ZNF385D: variants seen among roughly 807,000 people sequenced by gnomAD.
ZNF385D encodes the protein zinc finger protein 659.
In ZNF385D, 15 loss-of-function variants were observed where a neutral mutation model predicts 35.8. The observed-to-expected ratio is 0.42, with a 90% CI of 0.28 to 0.64. The LOEUF (loss-of-function observed/expected upper bound fraction) is 0.64. Ranked by LOEUF, ZNF385D falls within the 30% of genes least tolerant of loss-of-function variation. ZNF385D has a pLI of 0.23. For missense variants in ZNF385D, 474 were observed against 494.6 expected (o/e 0.96, Z 0.39); for synonymous variants, 212 against 186.8 (o/e 1.13, Z -1.10).
At chr3:21,568,164 G>T (rs1314570200) in intron 2 of ZNF385D, among the ~76,000 whole-genome samples, 2 of 145,496 alleles carry the variant, frequency 1.4e-5, no homozygotes, top group Non-Finnish European at 3.0e-5. Context: ...ACAACAAAAT[G>T]TTTTAATATC....
intron 3 of ZNF385D, among the ~76,000 whole-genome samples, chr3:21,560,561 C>T (rs181599641): frequency 5.3e-5 from 8 of 152,284 alleles, no homozygotes; most frequent in Admixed American, 4.6e-4. Flanking sequence ...GAGAGCTCTC[C>T]TGTATGAGGT....
intron 4 of ZNF385D, among the ~76,000 whole-genome samples, chr3:21,443,664 A>G (rs1575154693): frequency 6.6e-6 from 1 of 152,302 alleles, no homozygotes. Flanking sequence ...TGGTAGTTCC[A>G]TGCAAAAAGT....
intron 3 of ZNF385D, among the ~76,000 whole-genome samples, chr3:21,837,506 T>C (rs1333611159): frequency 6.6e-6 from 1 of 152,022 alleles, no homozygotes; most frequent in Non-Finnish European, 1.5e-5. Context: ...TACAGGTGCA[T>C]GGCTTTGGAA....
intron 2 of ZNF385D, among the ~76,000 whole-genome samples, chr3:22,230,418 A>G (rs1428204880): frequency 6.6e-6 from 1 of 152,154 alleles, no homozygotes; most frequent in Non-Finnish European, 1.5e-5. Context: ...TTCCCATAAA[A>G]GGCCTACGCC....
At chr3:21,938,190 T>G (rs527138) in intron 3 of ZNF385D, among the ~76,000 whole-genome samples, 10,047 of 152,254 alleles carry the variant, frequency 0.066, 559 homozygotes, top group African/African-American at 0.14. Flanking sequence ...GTCGGATAAT[T>G]TGTTCTAATA....
Position 21,961,247 on chromosome 3 carries a change from A to T in ZNF385D, c.325+207570T>A, listed in dbSNP as rs1214529544. 3.3e-5 allele frequency among the ~76,000 whole-genome samples: 5 copies of T among 152,168 alleles called. No homozygotes were observed. The East Asian group carries it at 9.6e-4, about 29-fold the overall frequency. On this transcript the variant is annotated intron_variant, in intron 3 of 5. Transcript: ENST00000494108. ...AATAATTTTTAAATGAATGCCTGGA[A>T]TATAAAAAAGGTCTTGGTATTTGGA...
intron 2 of ZNF385D, among the ~76,000 whole-genome samples, chr3:21,636,240 T>TA (rs2065428276): frequency 6.6e-6 from 1 of 150,528 alleles, no homozygotes; most frequent in African/African-American, 2.4e-5. Flanking sequence ...GATTTTTTTT[T>TA]ATTATGGACA....
chr3:21,571,893 A>G (rs947516613), intron 2 of ZNF385D, among the ~76,000 whole-genome samples: 12 of 152,110 alleles, frequency 7.9e-5, no homozygotes, highest in African/African-American at 2.9e-4. Context: ...TCCCCATGGA[A>G]TCGTGATGCA....
At chr3:21,611,277 T>C (rs2064669017) in intron 2 of ZNF385D, among the ~76,000 whole-genome samples, 2 of 152,206 alleles carry the variant, frequency 1.3e-5, no homozygotes, top group Non-Finnish European at 2.9e-5. Flanking sequence ...CACAGAGATA[T>C]GTATTATCAT....
At chr3:21,641,263 G>A (rs1180690852) in intron 2 of ZNF385D, among the ~76,000 whole-genome samples, 4 of 152,010 alleles carry the variant, frequency 2.6e-5, no homozygotes, top group African/African-American at 9.6e-5. Flanking sequence ...TTAGTTGAGT[G>A]TTAAGGAGTA....
At chr3:22,225,045 A>C (rs566516272) in intron 2 of ZNF385D, among the ~76,000 whole-genome samples, 1 of 152,330 alleles carries the variant, frequency 6.6e-6, no homozygotes, top group Admixed American at 6.5e-5. Flanking sequence ...TAATTATATT[A>C]ACAATGCAAT....
intron 2 of ZNF385D, among the ~76,000 whole-genome samples, chr3:22,247,658 C>T (rs1373777137): frequency 1.5e-5 from 2 of 134,848 alleles, no homozygotes; most frequent in East Asian, 4.1e-4. Flanking sequence ...GATGGAGTCT[C>T]TCTCTCTGTC....
intron 3 of ZNF385D, among the ~76,000 whole-genome samples, chr3:21,989,858 T>TA (rs1385778694): frequency 6.6e-6 from 1 of 152,204 alleles, no homozygotes; most frequent in Non-Finnish European, 1.5e-5. Context: ...CTGTTGATGG[T>TA]ATATGTCAAG....
chr3:21,999,912 T>A (rs942849537), intron 3 of ZNF385D, among the ~76,000 whole-genome samples: 47 of 152,134 alleles, frequency 3.1e-4, no homozygotes, highest in African/African-American at 1.1e-3. Flanking sequence ...AAAGAGAAAC[T>A]ATTTTAAAAA....
intron 3 of ZNF385D, among the ~76,000 whole-genome samples, chr3:22,137,636 C>T (rs1023194817): frequency 1.3e-5 from 2 of 152,144 alleles, no homozygotes; most frequent in African/African-American, 4.8e-5. Context: ...ATGCTAAAAG[C>T]TCTCAATAAA....
At chr3:22,254,613 A>G (rs1054477462) in intron 2 of ZNF385D, among the ~76,000 whole-genome samples, 11 of 151,856 alleles carry the variant, frequency 7.2e-5, no homozygotes, top group African/African-American at 2.4e-5. Context: ...GAAACCTCAG[A>G]AAGTACTGAA....
At chr3:21,714,532 TCTCTC>T (rs1225926528) in intron 1 of ZNF385D, among the ~76,000 whole-genome samples, 2 of 152,168 alleles carry the variant, frequency 1.3e-5, no homozygotes, top group African/African-American at 4.8e-5. Context: ...CTAAGGCCAA[TCTCTC>T]CTCTTGATTC....
chr3:21,897,035 T>C (rs937190108), intron 3 of ZNF385D, among the ~76,000 whole-genome samples: 1 of 152,122 alleles, frequency 6.6e-6, no homozygotes, highest in Non-Finnish European at 1.5e-5. Flanking sequence ...AAGGCAGTCA[T>C]GAAATAGCTA....
chr3:22,152,158 C>T (rs772956701), intron 3 of ZNF385D, among the ~76,000 whole-genome samples: 8 of 152,100 alleles, frequency 5.3e-5, no homozygotes, highest in Non-Finnish European at 1.2e-4. Context: ...TCCAGCTCCA[C>T]CCATGTTCTT....
Sources: allele counts gnomAD v4.1 joint callset (sites outside exome capture counted in the v4.1 genomes callset), GRCh38; gene constraint gnomAD v4.1.1; transcripts MANE v1.5; gene names NCBI Gene and HGNC (gene_info 2026-07-23, HGNC 2026-07-21).